RPSA2: variants seen among roughly 807,000 people sequenced by gnomAD.
RPSA2 encodes small ribosomal subunit protein uS2B.
At chr19:23,810,319 G>A in the RPSA2 span, among the ~76,000 whole-genome samples, 4 of 146,986 alleles carry the variant, frequency 2.7e-5, no homozygotes, top group South Asian at 2.3e-4. Context: ...GCGTGAACCT[G>A]GGAGGCAGAG....
chr19:23,859,760 A>G, the RPSA2 span, among the ~76,000 whole-genome samples: 1 of 152,308 alleles, frequency 6.6e-6, no homozygotes, highest in East Asian at 1.9e-4. Context: ...TATTTTACAC[A>G]TATCTCCATT....
the RPSA2 span, chr19:23,827,182 C>G: frequency 1.0e-6 from 1 of 969,568 alleles, no homozygotes; most frequent in South Asian, 1.4e-5. Context: ...CCCTTGATGT[C>G]CTGCAAATGA....
the RPSA2 span, among the ~76,000 whole-genome samples, chr19:23,844,783 A>T: frequency 6.6e-6 from 1 of 151,722 alleles, no homozygotes; most frequent in Admixed American, 6.6e-5. Flanking sequence ...CTGACCTGAG[A>T]GTGACTTAGG....
the RPSA2 span, among the ~76,000 whole-genome samples, chr19:23,831,274 C>A: frequency 9.2e-5 from 14 of 152,062 alleles, no homozygotes; most frequent in Non-Finnish European, 2.9e-5. Flanking sequence ...AAACAGAAAC[C>A]AAGAGTTAGG....
the RPSA2 span, among the ~76,000 whole-genome samples, chr19:23,778,330 A>G: frequency 6.6e-6 from 1 of 152,190 alleles, no homozygotes; most frequent in Admixed American, 6.5e-5. Context: ...CTACTGCCTC[A>G]GCCTCCCAAG....
At chr19:23,761,903 T>TCC in the RPSA2 span, among the ~76,000 whole-genome samples, 1 of 35,594 alleles carries the variant, frequency 2.8e-5, no homozygotes, top group Non-Finnish European at 6.3e-5. Flanking sequence ...GTAACGTAAT[T>TCC]CTTTCTTTCT....
the RPSA2 span, among the ~76,000 whole-genome samples, chr19:23,793,643 A>G: frequency 1.3e-5 from 2 of 151,728 alleles, no homozygotes; most frequent in African/African-American, 4.8e-5. Flanking sequence ...GTTCAGTGCA[A>G]CTTCCTCCTC....
the RPSA2 span, among the ~76,000 whole-genome samples, chr19:23,816,622 T>C: frequency 1.3e-5 from 2 of 152,208 alleles, no homozygotes; most frequent in African/African-American, 4.8e-5. Context: ...ATTATTATCT[T>C]TATAATCATG....
chr19:23,864,190 TG>T, the RPSA2 span, among the ~76,000 whole-genome samples: 1 of 152,334 alleles, frequency 6.6e-6, no homozygotes, highest in South Asian at 2.1e-4. Context: ...ATGCAAAGAA[TG>T]GGCATATTAC....
chr19:23,839,255 T>G, the RPSA2 span, among the ~76,000 whole-genome samples: 1 of 152,236 alleles, frequency 6.6e-6, no homozygotes, highest in Non-Finnish European at 1.5e-5. Context: ...TGAAGGTTCC[T>G]TTGGGAGTTG....
chr19:23,827,970 A>G, the RPSA2 span: 1 of 899,046 alleles, frequency 1.1e-6, no homozygotes, highest in Non-Finnish European at 1.8e-6. Context: ...TGGAGCGCTC[A>G]GCCTGCCACG....
the RPSA2 span, among the ~76,000 whole-genome samples, chr19:23,824,677 G>C: frequency 7.6e-6 from 1 of 131,026 alleles, no homozygotes; most frequent in East Asian, 2.5e-4. Context: ...AAGATTACAG[G>C]CATGAGCCAT....
the RPSA2 span, among the ~76,000 whole-genome samples, chr19:23,865,666 C>A: frequency 1.3e-5 from 2 of 152,148 alleles, no homozygotes; most frequent in Admixed American, 6.5e-5. Context: ...TGGCCTCTGC[C>A]ACCCCCTCCA....
At chr19:23,844,694 C>T in the RPSA2 span, among the ~76,000 whole-genome samples, 149,933 of 151,382 alleles carry the variant, frequency 0.99, 74,268 homozygotes, top group Middle Eastern at 1. Context: ...CTAATTTGTC[C>T]ATTTTTTTAT....
chr19:23,866,853 A>G, the RPSA2 span, among the ~76,000 whole-genome samples: 1 of 152,214 alleles, frequency 6.6e-6, no homozygotes, highest in South Asian at 2.1e-4. Flanking sequence ...GACATTTGCC[A>G]GCAGAATACA....
chr19:23,764,728 C>T, the RPSA2 span, among the ~76,000 whole-genome samples: 7 of 140,824 alleles, frequency 5.0e-5, no homozygotes, highest in Non-Finnish European at 1.1e-4. Context: ...GATTTATCTG[C>T]CTCAGCCTCC....
At chr19:23,802,212 T>G in the RPSA2 span, among the ~76,000 whole-genome samples, 2 of 152,190 alleles carry the variant, frequency 1.3e-5, no homozygotes, top group Non-Finnish European at 2.9e-5. Flanking sequence ...TAGAATCTGA[T>G]GGCAGAATCT....
the RPSA2 span, among the ~76,000 whole-genome samples, chr19:23,787,766 T>A: frequency 7.2e-5 from 11 of 152,316 alleles, no homozygotes; most frequent in Middle Eastern, 6.8e-3. Flanking sequence ...TCTTACTTTT[T>A]CCTGCAGGAA....
the RPSA2 span, among the ~76,000 whole-genome samples, chr19:23,865,269 C>T: frequency 6.6e-6 from 1 of 152,164 alleles, no homozygotes; most frequent in African/African-American, 2.4e-5. Flanking sequence ...ACATTATGTG[C>T]AGTTGCCTAA....
Sources: gnomAD v4.1 joint callset for allele counts (sites outside exome capture counted in the v4.1 genomes callset) on GRCh38, gnomAD v4.1.1 for gene constraint, MANE v1.5 for transcripts, NCBI Gene and HGNC (gene_info 2026-07-23, HGNC 2026-07-21) for gene names.